DLGAP2: variants seen among roughly 807,000 people sequenced by gnomAD.
DLGAP2 encodes the protein DLG associated protein 2, also known as disks large-associated protein 2.
DLGAP2 carries 26 observed loss-of-function variants against 100.3 expected under a neutral mutation model. That is an observed-to-expected ratio of 0.26 (90% CI 0.19 to 0.36). DLGAP2 has a LOEUF of 0.36. Ranked by LOEUF, DLGAP2 falls within the 10% of genes least tolerant of loss-of-function variation. DLGAP2 has a pLI of 1.00. For missense variants in DLGAP2, 1,858 were observed against 1,453.2 expected, an observed-to-expected ratio of 1.28 and a Z score of -4.53; for synonymous variants, 886 against 630.1, an observed-to-expected ratio of 1.41 and a Z score of -6.08.
At chr8:1,593,549 T>C (rs963017417) in intron 6 of DLGAP2, among the ~76,000 whole-genome samples, 1 of 152,160 alleles carries the variant, frequency 6.6e-6, no homozygotes, top group Admixed American at 6.5e-5. Context: ...AAACCAGACT[T>C]ACCAAAGATG....
intron 3 of DLGAP2, among the ~76,000 whole-genome samples, chr8:1,263,432 G>C (rs548892583): frequency 5.4e-4 from 82 of 152,190 alleles, no homozygotes; most frequent in Non-Finnish European, 1.1e-3. Context: ...TAGAATTTTG[G>C]GAAGACATAC....
chr8:811,475 T>G (rs1796368982), intron 1 of DLGAP2, among the ~76,000 whole-genome samples: 1 of 145,296 alleles, frequency 6.9e-6, no homozygotes. Flanking sequence ...AGGAACTATC[T>G]GGGGGCTCAG....
intron 2 of DLGAP2, chr8:1,104,763 G>A (rs1194185400): frequency 6.6e-6 from 1 of 152,256 alleles, no homozygotes; most frequent in Non-Finnish European, 1.5e-5. Context: ...TCCTGTGCCC[G>A]AGGCCTGTCA....
intron 6 of DLGAP2, among the ~76,000 whole-genome samples, chr8:1,579,898 G>C (rs1417816291): frequency 6.6e-6 from 1 of 152,162 alleles, no homozygotes; most frequent in Non-Finnish European, 1.5e-5. Context: ...TCAGCAAAAG[G>C]CTGCTCTGGA....
At chr8:1,341,342 G>A (rs991659537) in intron 3 of DLGAP2, among the ~76,000 whole-genome samples, 16 of 152,172 alleles carry the variant, frequency 1.1e-4, no homozygotes, top group Non-Finnish European at 2.4e-4. Flanking sequence ...GAGACGTGCA[G>A]TCCTTTTGGC....
rs769891765 is a variant in DLGAP2 at position 1,364,208 on chromosome 8, G to A, written c.106+105325G>A. ...CCCTGTACAGAGGGGAGGGGCGGAC[G>A]GTGCCCCCGGGCTGGATCCCAGCTG... is the stretch of plus-strand genomic sequence containing the variant. On this transcript the variant is annotated intron_variant, in intron 3 of 14. Coordinates refer to ENST00000637795, the MANE Select transcript of DLGAP2 (RefSeq NM_001346810.2). 7.2e-5 allele frequency among the ~76,000 whole-genome samples: 11 copies of A among 152,196 alleles called. 1 individual carries two copies. Among genetic ancestry groups the A allele is most frequent in the African/African-American group, 1.7e-4 (7 of 41,448 alleles).
chr8:1,696,347 GAAATT>G (rs1799398110), intron 13 of DLGAP2, among the ~76,000 whole-genome samples: 1 of 152,092 alleles, frequency 6.6e-6, no homozygotes, highest in East Asian at 1.9e-4. Context: ...CAAAATTAAA[GAAATT>G]AGCTGGGTGT....
chr8:1,593,449 C>T (rs535353001), intron 6 of DLGAP2, among the ~76,000 whole-genome samples: 14 of 151,686 alleles, frequency 9.2e-5, no homozygotes, highest in African/African-American at 2.4e-4. Context: ...GGCAAGACTC[C>T]GTCTCAAAAA....
chr8:1,569,840 C>T (rs563216292), intron 6 of DLGAP2, among the ~76,000 whole-genome samples: 26 of 150,206 alleles, frequency 1.7e-4, no homozygotes, highest in African/African-American at 5.1e-4. Flanking sequence ...CACTGTTCTG[C>T]GGAGGGCAGG....
At chr8:942,474 G>A (rs1324780806) in intron 2 of DLGAP2, among the ~76,000 whole-genome samples, 1 of 152,168 alleles carries the variant, frequency 6.6e-6, no homozygotes, top group East Asian at 1.9e-4. Flanking sequence ...ATCCAGAACA[G>A]CCAAAATCCA....
chr8:1,470,647 C>A (rs1249177395), intron 3 of DLGAP2, among the ~76,000 whole-genome samples: 1 of 152,090 alleles, frequency 6.6e-6, no homozygotes, highest in South Asian at 2.1e-4. Flanking sequence ...GTGAAAGTGA[C>A]TAATCTCTCG....
intron 3 of DLGAP2, chr8:1,381,392 G>C (rs191508402): frequency 1.7e-4 from 26 of 152,352 alleles, no homozygotes; most frequent in African/African-American, 6.0e-4. Context: ...TTGGCAATTT[G>C]AACTGAGCGT....
At chr8:1,517,867 G>C (rs1286232840) in intron 4 of DLGAP2, among the ~76,000 whole-genome samples, 2 of 152,196 alleles carry the variant, frequency 1.3e-5, no homozygotes, top group African/African-American at 2.4e-5. Flanking sequence ...CAGGGTCATG[G>C]AATAAGACAG....
intron 2 of DLGAP2, among the ~76,000 whole-genome samples, chr8:1,043,847 C>T (rs1585008330): frequency 6.6e-6 from 1 of 152,012 alleles, no homozygotes; most frequent in Non-Finnish European, 1.5e-5. Context: ...CACAGTAAGG[C>T]AGTGAAGCAA....
intron 5 of DLGAP2, among the ~76,000 whole-genome samples, chr8:1,555,602 G>A (rs1014965329): frequency 2.0e-5 from 3 of 152,242 alleles, no homozygotes; most frequent in Middle Eastern, 3.4e-3. Flanking sequence ...GAGTGCAGGA[G>A]CTGGGCCTGT....
intron 8 of DLGAP2, among the ~76,000 whole-genome samples, chr8:1,658,485 TG>T (rs1382551730): frequency 6.6e-6 from 1 of 152,224 alleles, no homozygotes; most frequent in African/African-American, 2.4e-5. Context: ...GGGCTTTTTT[TG>T]GTTGGTAGGC....
intron 4 of DLGAP2, among the ~76,000 whole-genome samples, chr8:1,523,482 G>A (rs530134732): frequency 6.6e-6 from 1 of 152,318 alleles, no homozygotes; most frequent in East Asian, 1.9e-4. Context: ...AGATCTCAGG[G>A]CCGGATGGGG....
At chr8:1,132,556 C>T (rs538830927) in intron 2 of DLGAP2, among the ~76,000 whole-genome samples, 4 of 152,342 alleles carry the variant, frequency 2.6e-5, no homozygotes, top group South Asian at 4.1e-4. Context: ...TATGTGTACA[C>T]CTTGATATAG....
chr8:785,442 T>A (rs922113716), intron 1 of DLGAP2, among the ~76,000 whole-genome samples: 2 of 148,432 alleles, frequency 1.3e-5, no homozygotes, highest in Non-Finnish European at 1.5e-5. Context: ...TCTCCTCCCC[T>A]CAGGTCTCTC....
Sources: allele counts gnomAD v4.1 joint callset (sites outside exome capture counted in the v4.1 genomes callset), GRCh38; gene constraint gnomAD v4.1.1; transcripts MANE v1.5; gene names NCBI Gene and HGNC (gene_info 2026-07-23, HGNC 2026-07-21).